Variants in RHBDD1 observed in about 807,000 individuals in gnomAD.
RHBDD1 encodes rhomboid-related protein 4.
In RHBDD1, 38 loss-of-function variants were observed where a neutral mutation model predicts 36.3. The ratio of observed to expected loss-of-function variants is 1.05; its 90% CI spans 0.81 to 1.37. The LOEUF (loss-of-function observed/expected upper bound fraction) is 1.37, where lower values mean the gene tolerates loss of function less well. Among genes scored for constraint, RHBDD1 ranks in the 40% most tolerant of loss-of-function variants. RHBDD1 has a pLI of 0.00. For missense variants in RHBDD1, 393 were observed against 377.6 expected, an observed-to-expected ratio of 1.04 and a Z score of -0.34; for synonymous variants, 151 against 136.5, an observed-to-expected ratio of 1.11 and a Z score of -0.74.
At chr2:226,905,690 T>G (rs945728270) in intron 5 of RHBDD1, among the ~76,000 whole-genome samples, 3 of 152,278 alleles carry the variant, frequency 2.0e-5, no homozygotes, top group Admixed American at 1.3e-4. Flanking sequence ...TTTCTTTCAT[T>G]TATTTTATTC....
chr2:226,986,485 C>A (rs1484309384), intron 8 of RHBDD1, among the ~76,000 whole-genome samples: 1 of 151,690 alleles, frequency 6.6e-6, no homozygotes, highest in Non-Finnish European at 1.5e-5. Flanking sequence ...AAAAAATTTA[C>A]AAGAAAAAAA....
At chr2:226,951,606 G>A (rs540358845) in intron 8 of RHBDD1, among the ~76,000 whole-genome samples, 25 of 152,220 alleles carry the variant, frequency 1.6e-4, no homozygotes, top group Non-Finnish European at 3.1e-4. Context: ...AGTAGATATC[G>A]GGGAAAGGCC....
intron 3 of RHBDD1, among the ~76,000 whole-genome samples, chr2:226,859,333 A>G (rs7564356): frequency 0.26 from 39,225 of 152,202 alleles, 6,035 homozygotes; most frequent in South Asian, 0.43. Flanking sequence ...TAACAATACA[A>G]TAAAACAACT....
chr2:226,918,443 C>A (rs138798525), intron 8 of RHBDD1, among the ~76,000 whole-genome samples: 7 of 151,906 alleles, frequency 4.6e-5, no homozygotes, highest in Non-Finnish European at 8.8e-5. Context: ...TTTTTGTACC[C>A]ATTAACCATC....
At chr2:226,854,217 TCAA>T (rs1429310448) in intron 3 of RHBDD1, among the ~76,000 whole-genome samples, 1 of 152,180 alleles carries the variant, frequency 6.6e-6, no homozygotes, top group Non-Finnish European at 1.5e-5. Context: ...ATATTACTCA[TCAA>T]CAACTCTATG....
At chr2:226,810,450 G>A in the RHBDD1 span, among the ~76,000 whole-genome samples, 4 of 140,850 alleles carry the variant, frequency 2.8e-5, no homozygotes, top group Non-Finnish European at 6.0e-5. Flanking sequence ...TGAGGCAGGA[G>A]AATCGCTTGA....
intron 5 of RHBDD1, among the ~76,000 whole-genome samples, chr2:226,872,586 T>TTTGA (rs1205274052): frequency 6.6e-6 from 1 of 152,184 alleles, no homozygotes; most frequent in Non-Finnish European, 1.5e-5. Flanking sequence ...TTTCAGTACT[T>TTTGA]TTCAAGTTTT....
chr2:226,988,484 T>C (rs1262027460), intron 8 of RHBDD1: 11 of 1,542,224 alleles, frequency 7.1e-6, no homozygotes, highest in Non-Finnish European at 7.9e-6. Flanking sequence ...TGTAGTGGAG[T>C]TGAGCAAAGA....
Position 226,891,925 on chromosome 2 carries a change from G to A in RHBDD1, c.567-14868G>A, listed in dbSNP as rs374694058. On this transcript the variant is annotated intron_variant, in intron 5 of 8. Coordinates refer to ENST00000392062, the MANE Select transcript of RHBDD1 (RefSeq NM_001167608.3). ...ATTAGATACAAAGGGTATCTGATTG[G>A]CCAGTGCAGGTCGCATGCCTGTGCT... Among the ~76,000 whole-genome samples the A allele has an allele frequency of 5.3e-5, 8 of 152,304 alleles. No homozygotes were observed. The South Asian group carries it at 1.0e-3, about 20-fold the overall frequency.
intron 5 of RHBDD1, among the ~76,000 whole-genome samples, chr2:226,888,836 C>T (rs1266846925): frequency 6.6e-6 from 1 of 152,102 alleles, no homozygotes; most frequent in Non-Finnish European, 1.5e-5. Context: ...TTGTGTTAGT[C>T]ACGATCAGGA....
intron 8 of RHBDD1, among the ~76,000 whole-genome samples, chr2:226,932,869 G>A (rs189536032): frequency 6.6e-6 from 1 of 152,116 alleles, no homozygotes; most frequent in East Asian, 1.9e-4. Flanking sequence ...AAGGGAAATG[G>A]TGGTTCTGCT....
the RHBDD1 span, among the ~76,000 whole-genome samples, chr2:226,800,688 G>A: frequency 6.6e-6 from 1 of 152,166 alleles, no homozygotes; most frequent in African/African-American, 2.4e-5. Flanking sequence ...AGCTGTTAGG[G>A]ACCTTCAGAG....
At chr2:226,932,396 A>G (rs900767867) in intron 8 of RHBDD1, among the ~76,000 whole-genome samples, 3 of 152,132 alleles carry the variant, frequency 2.0e-5, no homozygotes, top group African/African-American at 7.2e-5. Context: ...GATTTAATGA[A>G]TTCTGTTAGT....
chr2:226,825,249 T>C, the RHBDD1 span, among the ~76,000 whole-genome samples: 1 of 152,132 alleles, frequency 6.6e-6, no homozygotes, highest in African/African-American at 2.4e-5. Context: ...ATTATAATCA[T>C]GGAAGCATCA....
Position 226,991,969 on chromosome 2 carries a change from T to C in RHBDD1, c.857-3462T>C, listed in dbSNP as rs545560366. Reference sequence around the variant, plus strand: ...CCTACTAATACTTTTTCCTTTACACTCATGGGGACACCTCCTACCACCCCA... The same window carrying C: ...CCTACTAATACTTTTTCCTTTACACCCATGGGGACACCTCCTACCACCCCA... On this transcript the variant is annotated intron_variant, in intron 8 of 8. Transcript: ENST00000392062. 7.9e-5 allele frequency among the ~76,000 whole-genome samples: 12 copies of C among 152,232 alleles called. 1 individual carries two copies. The South Asian group carries it at 2.5e-3, about 32-fold the overall frequency.
Position 226,984,617 on chromosome 2 carries a change from G to A in RHBDD1, c.857-10814G>A, listed in dbSNP as rs1398641095. Among the ~76,000 whole-genome samples, 5 of 152,292 alleles carry A rather than the reference G, an allele frequency of 3.3e-5. No homozygotes were observed. In the East Asian group the frequency reaches 9.6e-4, roughly 29 times the overall value. On this transcript the variant is annotated intron_variant, in intron 8 of 8. Coordinates refer to ENST00000392062, the MANE Select transcript of RHBDD1 (RefSeq NM_001167608.3). ...CTTCGTGACCTCTCTGAGCCTAGGCGGACCAGGCAGAACAGCAACAGCTAA... is the reference window on the plus strand; with the variant it reads ...CTTCGTGACCTCTCTGAGCCTAGGCAGACCAGGCAGAACAGCAACAGCTAA...
At chr2:226,944,655 A>G (rs1382280934) in intron 8 of RHBDD1, among the ~76,000 whole-genome samples, 1 of 152,130 alleles carries the variant, frequency 6.6e-6, no homozygotes, top group Non-Finnish European at 1.5e-5. Flanking sequence ...TTCACTCTAA[A>G]CTCAGAATTC....
At chr2:226,823,242 GT>G in the RHBDD1 span, among the ~76,000 whole-genome samples, 1 of 152,222 alleles carries the variant, frequency 6.6e-6, no homozygotes, top group African/African-American at 2.4e-5. Context: ...TACCAAATCT[GT>G]CAGTCTCTTG....
intron 8 of RHBDD1, among the ~76,000 whole-genome samples, chr2:226,989,618 G>A (rs1007337757): frequency 2.6e-5 from 4 of 152,060 alleles, no homozygotes; most frequent in Non-Finnish European, 4.4e-5. Context: ...TCTTTTTTTG[G>A]GAGGTGGGGG....
Sources: allele counts gnomAD v4.1 joint callset (sites outside exome capture counted in the v4.1 genomes callset), GRCh38; gene constraint gnomAD v4.1.1; transcripts MANE v1.5; gene names NCBI Gene and HGNC (gene_info 2026-07-23, HGNC 2026-07-21).